The following PTPRU variants were observed in gnomAD, a reference collection of about 807,000 sequenced individuals.
PTPRU encodes the protein protein tyrosine phosphatase receptor type U.
In PTPRU, 69 loss-of-function variants were observed where a neutral mutation model predicts 166.3. The observed-to-expected ratio is 0.41, with a 90% CI of 0.34 to 0.51. PTPRU has a LOEUF of 0.51. Among genes scored for constraint, PTPRU ranks in the 20% least tolerant of loss-of-function variants. PTPRU has a pLI of 0.09. For missense variants in PTPRU, 1,657 were observed against 2,013.7 expected (o/e 0.82, Z 3.39); for synonymous variants, 793 against 814.0 (o/e 0.97, Z 0.44).
chr1:29,312,644 T>C lies in PTPRU; in HGVS notation c.3165T>C (p.Ala1055=). Residue 1055 remains alanine (A), a synonymous_variant, in exon 22 of 30, where the codon GCT becomes GCC. Transcript: ENST00000373779. ...CCTACCATGCCACGGGGCTGCTGGCTTTCATCCGGCGCGTGAAGGCCTCCA... is the reference window on the plus strand; with the variant it reads ...CCTACCATGCCACGGGGCTGCTGGCCTTCATCCGGCGCGTGAAGGCCTCCA... ...GVPYHATGLL[A]FIRRVKASTP... 6.2e-7 allele frequency: 1 copy of C among 1,612,022 alleles called. No homozygotes were observed.
rs139690683 is a variant in PTPRU, at chr1:29,261,354, T to C, written c.1144+451T>C. Among the ~76,000 whole-genome samples, 361 of 152,302 alleles carry C rather than the reference T, an allele frequency of 2.4e-3. 3 individuals are homozygous for C. The highest frequency in any genetic ancestry group is 7.9e-3 in the African/African-American group (328 of 41,560). ...TCAAATACAAGTATATTATACATTC[T>C]AGCTGGTTTCTCTTGTCTGGGTGTT... On this transcript the variant is annotated intron_variant, in intron 7 of 29. Transcript: ENST00000373779.
In PTPRU at chr1:29,320,623, A is replaced by C; in HGVS notation, c.3688-62A>C. 1 of 1,472,460 alleles carries C rather than the reference A, an allele frequency of 6.8e-7. No individual in the cohort carries two copies. The highest frequency in any genetic ancestry group is 9.1e-7 in the Non-Finnish European group (1 of 1,098,362). 91.2% of individuals were successfully genotyped at this position (1,472,460 alleles called of 1,614,324 possible). A position where few individuals can be genotyped will look rare whatever the true frequency, so the allele number is the denominator to read the frequency against. ...GCAGTGCGGGAAGACAGCCTGGGGC[A>C]GAGGCTCAGCCCAGGCCAGGGGCCG... On this transcript the variant is annotated intron_variant, in intron 25 of 29. Coordinates refer to ENST00000373779, the MANE Select transcript of PTPRU (RefSeq NM_133178.4). This position sits in a 1 kb window ranked among gnomAD's most constrained non-coding sequence, Gnocchi z 5.2.
rs1684836388 is a variant in PTPRU at position 29,257,742 on chromosome 1, C to T, written c.206-763C>T. ...AGGCCTCACAGCCTGGTGGGAGACA[C>T]ACAGGCACTTTAGTAATGACCCAGG... On this transcript the variant is annotated intron_variant, in intron 2 of 29. Coordinates refer to ENST00000373779, the MANE Select transcript of PTPRU (RefSeq NM_133178.4). The surrounding 1 kb of genome is among the most constrained non-coding windows in gnomAD (Gnocchi z 4.6). Among the ~76,000 whole-genome samples, 2 of 152,104 alleles carry T rather than the reference C, an allele frequency of 1.3e-5. No individual in the cohort carries two copies. Among genetic ancestry groups the T allele is most frequent in the Non-Finnish European group, 2.9e-5 (2 of 68,024 alleles).
rs376637671 is a variant in PTPRU, at chr1:29,282,471, G to GCC, written c.1869-205_1869-204insCC. Among the ~76,000 whole-genome samples the GCC allele has an allele frequency of 4.2e-3, 636 of 152,316 alleles. 3 individuals are homozygous for GCC. Among genetic ancestry groups the GCC allele is most frequent in the African/African-American group, 0.014 (578 of 41,574 alleles). On this transcript the variant is annotated intron_variant, in intron 11 of 29. Coordinates refer to ENST00000373779, the MANE Select transcript of PTPRU (RefSeq NM_133178.4). ...TGCCTGTTCTTCCCATCTATCTTCTGAACAGTCTTGCAATTACTCCCATTT... is the reference window on the plus strand; with the variant it reads ...TGCCTGTTCTTCCCATCTATCTTCTGCCAACAGTCTTGCAATTACTCCCATTT...
chr1:29,242,802 A>T (rs1339403038), intron 1 of PTPRU, among the ~76,000 whole-genome samples: 4 of 152,134 alleles, frequency 2.6e-5, no homozygotes, highest in Non-Finnish European at 5.9e-5. Flanking sequence ...TGTTCAATCC[A>T]GGCCCCTTCT....
At chr1:29,259,600 T>TTATTTGGGGGGGGGGGGGGGG in intron 5 of PTPRU, 36 bp downstream of exon 5, 2 of 253,694 alleles carry the variant, frequency 7.9e-6, no homozygotes, top group Non-Finnish European at 1.5e-5. Context: ...GGGGGCGGGG[T>TTATTTGGGGGGGGGGGGGGGG]GGGAGGGGGT....
chr1:29,282,774 C>T lies in PTPRU; in HGVS notation c.1967C>T (p.Ala656Val), dbSNP rs1238402323. The T allele has an allele frequency of 6.2e-7, 1 of 1,614,092 alleles. No individual in the cohort carries two copies. The highest frequency in any genetic ancestry group is 8.5e-7 in the Non-Finnish European group (1 of 1,180,018). Residue 656 changes from alanine (A) to valine (V), a missense_variant, in exon 12 of 30, where the codon GCG (alanine) becomes GTG (valine). Ala to Val is a moderately conservative substitution (Grantham distance 64, BLOSUM62 0). This residue lies in a region of PTPRU where 1,190 missense variants were observed against 1,477.4 expected (regional missense o/e 0.81). Transcript: ENST00000373779. The part of the protein sequence containing the change: ...CFPVPLTFEA[A>V]LARGLVHYFG... ...CCAGTGCCATTGACCTTCGAGGCGG[C>T]GCTGGCCCGAGGCCTGGTGCACTAC... is the stretch of plus-strand genomic sequence containing the variant.
chr1:29,300,929 G>A (rs1176170046), intron 15 of PTPRU, among the ~76,000 whole-genome samples: 1 of 152,194 alleles, frequency 6.6e-6, no homozygotes, highest in African/African-American at 2.4e-5. Flanking sequence ...AGGCACCGGA[G>A]AGGGTTCTTG....
At chr1:29,259,071 C>T (rs991696699) in intron 3 of PTPRU, among the ~76,000 whole-genome samples, 190 bp from the exon 4 acceptor site, 1 of 152,172 alleles carries the variant, frequency 6.6e-6, no homozygotes, top group African/African-American at 2.4e-5. Context: ...GGAAACTGGC[C>T]TCCACCTTGT....
chr1:29,266,573 T>G (rs1031236619), intron 7 of PTPRU, among the ~76,000 whole-genome samples: 2 of 152,218 alleles, frequency 1.3e-5, no homozygotes, highest in African/African-American at 4.8e-5. Flanking sequence ...TGCTTTCTAG[T>G]GAAGGGGTCT....
intron 25 of PTPRU, among the ~76,000 whole-genome samples, chr1:29,318,335 C>T (rs950905651): frequency 6.6e-6 from 1 of 152,210 alleles, no homozygotes; most frequent in East Asian, 1.9e-4. Flanking sequence ...ACAGTGATCT[C>T]TGGCCCCATT....
intron 15 of PTPRU, among the ~76,000 whole-genome samples, chr1:29,298,276 CAA>C (rs35978871): frequency 0.27 from 36,889 of 138,932 alleles, 5,776 homozygotes; most frequent in East Asian, 0.64. Flanking sequence ...AAAAAAAAGA[CAA>C]AAAAAAAAAA....
intron 16 of PTPRU, among the ~76,000 whole-genome samples, chr1:29,304,246 C>A (rs1574698795): frequency 6.6e-6 from 1 of 152,158 alleles, no homozygotes; most frequent in African/African-American, 2.4e-5. Flanking sequence ...TCATGCTAAC[C>A]CTGATTTGAA....
chr1:29,308,086 C>A (rs963006750), intron 18 of PTPRU, among the ~76,000 whole-genome samples: 4 of 151,338 alleles, frequency 2.6e-5, no homozygotes, highest in African/African-American at 7.3e-5. Context: ...ATTAAAAAAA[C>A]TACCCTAATT....
At chr1:29,305,971 C>T (rs1687371229) in intron 18 of PTPRU, among the ~76,000 whole-genome samples, 1 of 152,216 alleles carries the variant, frequency 6.6e-6, no homozygotes, top group Non-Finnish European at 1.5e-5. Context: ...AATCCCTCCA[C>T]CCACCCTTTG....
At chr1:29,240,973 G>A (rs925348303) in intron 1 of PTPRU, among the ~76,000 whole-genome samples, 1 of 152,172 alleles carries the variant, frequency 6.6e-6, no homozygotes, top group East Asian at 1.9e-4. Context: ...GGCAGATGGG[G>A]TTGGGGAGGC....
chr1:29,313,431 A>G, intron 22 of PTPRU, among the ~76,000 whole-genome samples: 1 of 152,234 alleles, frequency 6.6e-6, no homozygotes, highest in Non-Finnish European at 1.5e-5. Context: ...CCTCTTTAAG[A>G]TGCCATCTTT....
intron 1 of PTPRU, among the ~76,000 whole-genome samples, chr1:29,243,311 G>T (rs1309581524): frequency 6.6e-6 from 1 of 152,200 alleles, no homozygotes; most frequent in Non-Finnish European, 1.5e-5. Context: ...GAACTCAGGG[G>T]ACAAAACCCA....
intron 2 of PTPRU, among the ~76,000 whole-genome samples, chr1:29,258,173 C>T (rs1266565124): frequency 1.3e-5 from 2 of 152,186 alleles, no homozygotes; most frequent in Non-Finnish European, 2.9e-5. Context: ...CCATATTGGT[C>T]AGGCTGGTCT....
Sources: allele counts gnomAD v4.1 joint callset (sites outside exome capture counted in the v4.1 genomes callset), GRCh38; gene constraint gnomAD v4.1.1; regional missense constraint gnomAD v4.1.1; non-coding constraint Gnocchi (gnomAD v3.1); transcripts MANE v1.5; gene names NCBI Gene and HGNC (gene_info 2026-07-23, HGNC 2026-07-21).